The following ASTN1 variants were observed in gnomAD, a reference collection of about 807,000 sequenced individuals.
The protein encoded by ASTN1 is astrotactin 1, also known as astrotactin-1.
Under a neutral mutation model 140.7 loss-of-function variants are expected in ASTN1, and 41 were observed. The ratio of observed to expected loss-of-function variants is 0.29; its 90% CI spans 0.23 to 0.38. The LOEUF (loss-of-function observed/expected upper bound fraction) is 0.38, where lower values mean the gene tolerates loss of function less well. Among genes scored for constraint, ASTN1 ranks in the 10% least tolerant of loss-of-function variants. The pLI is 1.00. For synonymous variants in ASTN1, 640 were observed against 652.2 expected, an observed-to-expected ratio of 0.98 and a Z score of 0.29; for missense variants, 1,479 against 1,678.8, an observed-to-expected ratio of 0.88 and a Z score of 2.08.
chr1:176,938,273 T>C lies in ASTN1; in HGVS notation c.2378-1903A>G, dbSNP rs1284370495. 2.0e-5 allele frequency among the ~76,000 whole-genome samples: 3 copies of C among 152,246 alleles called. No individual in the cohort carries two copies. The South Asian group carries it at 6.2e-4, about 31-fold the overall frequency. The stretch of plus-strand genomic sequence containing the variant: ...AGTCACATGCTTTAAAGGTATATTT[T>C]ATTAGAGCATAAGATGTGCATCTAT... On this transcript the variant is annotated intron_variant, in intron 14 of 22. Coordinates refer to ENST00000361833, the MANE Select transcript of ASTN1 (RefSeq NM_004319.3).
intron 2 of ASTN1, among the ~76,000 whole-genome samples, chr1:177,048,771 T>G (rs1352737693): frequency 3.9e-5 from 6 of 152,168 alleles, no homozygotes; most frequent in Non-Finnish European, 8.8e-5. Flanking sequence ...AGGCTAACAG[T>G]ATGTCTAGAG....
intron 8 of ASTN1, among the ~76,000 whole-genome samples, chr1:177,002,990 A>G (rs937181844): frequency 6.6e-6 from 1 of 152,008 alleles, no homozygotes; most frequent in Admixed American, 6.6e-5. Flanking sequence ...AAAGGCCAAA[A>G]CGAACAAACA....
At chr1:176,997,100 G>T (rs932177519) in intron 8 of ASTN1, among the ~76,000 whole-genome samples, 10 of 152,134 alleles carry the variant, frequency 6.6e-5, no homozygotes. Context: ...AATGCATGAT[G>T]CTGAATTTCT....
intron 1 of ASTN1, among the ~76,000 whole-genome samples, chr1:177,100,279 T>C (rs1455117218): frequency 6.6e-6 from 1 of 152,172 alleles, no homozygotes; most frequent in Non-Finnish European, 1.5e-5. Context: ...AGAATGTCTA[T>C]TATTTTCCAT....
chr1:177,066,369 A>ATCTTG (rs1678354366), intron 1 of ASTN1, among the ~76,000 whole-genome samples: 3 of 152,252 alleles, frequency 2.0e-5, no homozygotes, highest in Non-Finnish European at 2.9e-5. Context: ...GGGCAGGGAA[A>ATCTTG]GTCACAGCAG....
chr1:177,025,230 C>T (rs1676047262), intron 5 of ASTN1, among the ~76,000 whole-genome samples: 1 of 152,148 alleles, frequency 6.6e-6, no homozygotes, highest in African/African-American at 2.4e-5. Context: ...AGACTCCTAC[C>T]AAGTGACTCT....
At chr1:177,116,885 C>A (rs529672177) in intron 1 of ASTN1, among the ~76,000 whole-genome samples, 1 of 152,250 alleles carries the variant, frequency 6.6e-6, no homozygotes, top group South Asian at 2.1e-4. Flanking sequence ...CTGTCTTCTA[C>A]CTTTGTGAAC....
intron 14 of ASTN1, among the ~76,000 whole-genome samples, chr1:176,937,566 AC>A (rs1207498695): frequency 1.3e-5 from 2 of 152,188 alleles, no homozygotes; most frequent in Admixed American, 1.3e-4. Context: ...TATAAATGCT[AC>A]CGAAACAAAA....
intron 7 of ASTN1, among the ~76,000 whole-genome samples, chr1:177,018,492 A>G (rs1274501249): frequency 6.6e-6 from 1 of 152,312 alleles, no homozygotes; most frequent in African/African-American, 2.4e-5. Context: ...ACATTTCCAC[A>G]TGGTTGGGTC....
chr1:177,154,585 A>G (rs138988722), intron 1 of ASTN1, among the ~76,000 whole-genome samples: 305 of 152,304 alleles, frequency 2.0e-3, no homozygotes, highest in African/African-American at 7.1e-3. Context: ...AAGAGTAAGT[A>G]TCAGAATAAC....
intron 11 of ASTN1, among the ~76,000 whole-genome samples, chr1:176,949,650 A>C (rs1672111998): frequency 6.6e-6 from 1 of 152,174 alleles, no homozygotes; most frequent in African/African-American, 2.4e-5. Flanking sequence ...TGGCCTCCCA[A>C]ATGGGCCTCT....
Position 176,946,102 on chromosome 1 carries a change from C to T in ASTN1, c.2073G>A (p.Lys691=). The change falls in exon 13 of 23, where the codon AAG becomes AAA. Residue 691 remains lysine (K), a synonymous_variant. Coordinates refer to ENST00000361833, the MANE Select transcript of ASTN1 (RefSeq NM_004319.3). The part of the protein sequence containing the change: ...LMFCGCIEDY[K]LGVDGRSCQL... ...GGCAAGAGCGTCCATCCACACCAAGCTTGTAGTCCTCGATGCACCTAGCAC... is the reference window on the plus strand; with the variant it reads ...GGCAAGAGCGTCCATCCACACCAAGTTTGTAGTCCTCGATGCACCTAGCAC... 6.2e-7 allele frequency: 1 copy of T among 1,611,654 alleles called. No individual in the cohort carries two copies. The highest frequency in any genetic ancestry group is 1.3e-5 in the African/African-American group (1 of 75,022).
chr1:177,055,292 T>C (rs1677744496), intron 2 of ASTN1, among the ~76,000 whole-genome samples: 1 of 152,192 alleles, frequency 6.6e-6, no homozygotes, highest in African/African-American at 2.4e-5. Context: ...ACCCAAATGG[T>C]GAATGAATTC....
Position 176,864,417 on chromosome 1 carries a change from A to G in ASTN1, c.3752T>C (p.Leu1251Pro). ...ISLRRSSLKY[L>P]GCRYSEIKPY... ...TTTGATCTCGCTGTAGCGGCACCCC[A>G]GGTACTTGAGTGAGCTGCGCCGCAA... The change falls in exon 23 of 23, where the codon CTG (leucine) becomes CCG (proline). Residue 1251 changes from leucine (L) to proline (P), a missense_variant. Leu to Pro is a moderately conservative substitution (Grantham distance 98, BLOSUM62 -3). Around this residue, in one of 3 missense-constraint regions of ASTN1, gnomAD observed 746 missense variants for 800.9 expected, o/e 0.93. Transcript: ENST00000361833. The G allele has an allele frequency of 1.2e-6, 2 of 1,614,130 alleles. No individual in the cohort carries two copies. The highest frequency in any genetic ancestry group is 2.2e-5 in the South Asian group (2 of 91,076).
At chr1:177,022,241 G>A (rs1571662990) in intron 7 of ASTN1, among the ~76,000 whole-genome samples, 2 of 152,222 alleles carry the variant, frequency 1.3e-5, no homozygotes, top group East Asian at 1.9e-4. Flanking sequence ...AGTGTGGTGG[G>A]CTGGGGTAGA....
chr1:177,142,663 C>A (rs886990648), intron 1 of ASTN1, among the ~76,000 whole-genome samples: 4 of 152,120 alleles, frequency 2.6e-5, no homozygotes, highest in Non-Finnish European at 5.9e-5. Context: ...AATCAGTAGA[C>A]TGAGTCTACT....
intron 1 of ASTN1, among the ~76,000 whole-genome samples, chr1:177,071,073 G>A (rs982148586): frequency 7.2e-5 from 11 of 152,142 alleles, no homozygotes; most frequent in African/African-American, 2.4e-4. Context: ...TATAAGTCCA[G>A]GAATCAGCTC....
intron 1 of ASTN1, among the ~76,000 whole-genome samples, chr1:177,160,815 G>C (rs1357321969): frequency 1.3e-5 from 2 of 152,128 alleles, no homozygotes; most frequent in Non-Finnish European, 2.9e-5. Flanking sequence ...CAGTTATTTT[G>C]CAACACTTTT....
chr1:177,153,496 T>A (rs1317279170), intron 1 of ASTN1, among the ~76,000 whole-genome samples: 1 of 152,156 alleles, frequency 6.6e-6, no homozygotes, highest in Non-Finnish European at 1.5e-5. Flanking sequence ...TATAGCATAC[T>A]TGGATAAAGC....
Sources: allele counts gnomAD v4.1 joint callset (sites outside exome capture counted in the v4.1 genomes callset), GRCh38; gene constraint gnomAD v4.1.1; regional missense constraint gnomAD v4.1.1; transcripts MANE v1.5; gene names NCBI Gene and HGNC (gene_info 2026-07-23, HGNC 2026-07-21).